EPS15: variants seen among roughly 807,000 people sequenced by gnomAD.
EPS15 encodes epidermal growth factor receptor pathway substrate 15, also known as epidermal growth factor receptor substrate 15.
A neutral mutation model predicts 113.8 loss-of-function variants in EPS15; 72 were observed. The ratio of observed to expected loss-of-function variants is 0.63; its 90% CI spans 0.52 to 0.77. EPS15 has a LOEUF of 0.77. Among genes scored for constraint, EPS15 ranks in the 30% least tolerant of loss-of-function variants. The probability of loss-of-function intolerance (pLI) is 0.00; values close to 1 mark genes in which losing one functional copy is unlikely to be tolerated. For synonymous variants in EPS15, 344 were observed against 363.4 expected (o/e 0.95, Z 0.61); for missense variants, 1,048 against 1,045.8 (o/e 1.00, Z -0.03).
chr1:51,457,761 T>C (rs1654128694), intron 8 of EPS15: 1 of 152,134 alleles, frequency 6.6e-6, no homozygotes, highest in African/African-American at 2.4e-5. Context: ...GTTTCAGATT[T>C]TGAAGCATTT....
chr1:51,372,593 A>G (rs1646684412), intron 21 of EPS15: 1 of 518,404 alleles, frequency 1.9e-6, no homozygotes, highest in East Asian at 5.4e-5. Context: ...CAATGAACTC[A>G]AGAAAAGACA....
At chr1:51,499,575 G>A (rs1250046939) in intron 1 of EPS15, among the ~76,000 whole-genome samples, 2 of 152,018 alleles carry the variant, frequency 1.3e-5, no homozygotes, top group Non-Finnish European at 2.9e-5. Context: ...ACATTCCCAT[G>A]AGCCATGCAC....
intron 9 of EPS15, among the ~76,000 whole-genome samples, chr1:51,447,633 A>C (rs1653175073): frequency 6.6e-6 from 1 of 152,202 alleles, no homozygotes; most frequent in Non-Finnish European, 1.5e-5. Flanking sequence ...CTAGGTATTA[A>C]ACAAAAATAA....
At chr1:51,448,212 G>T in intron 8 of EPS15, 77 bp from the exon 9 acceptor site, 1 of 819,408 alleles carries the variant, frequency 1.2e-6, no homozygotes, top group Non-Finnish European at 1.9e-6. Flanking sequence ...ATTGTTCAAT[G>T]ATAAATCATC....
At chr1:51,501,257 A>T (rs998799813) in intron 1 of EPS15, among the ~76,000 whole-genome samples, 1 of 147,424 alleles carries the variant, frequency 6.8e-6, no homozygotes, top group African/African-American at 2.5e-5. Context: ...AAATACAAAA[A>T]ATTAGCCAGG....
chr1:51,402,841 G>A (rs898825009), intron 17 of EPS15, among the ~76,000 whole-genome samples: 5 of 152,196 alleles, frequency 3.3e-5, no homozygotes, highest in African/African-American at 1.2e-4. Context: ...GGAGGTGGAG[G>A]TTGCAGTGAG....
chr1:51,499,667 T>C (rs1273811875), intron 1 of EPS15, among the ~76,000 whole-genome samples: 5 of 151,812 alleles, frequency 3.3e-5, no homozygotes, highest in Non-Finnish European at 4.4e-5. Flanking sequence ...CTCATTGTGA[T>C]TATAATTTGC....
chr1:51,507,148 T>C (rs566952809), intron 1 of EPS15, among the ~76,000 whole-genome samples: 16 of 152,288 alleles, frequency 1.1e-4, no homozygotes, highest in African/African-American at 1.4e-4. Context: ...AATGTATACA[T>C]AGAAAAATAA....
At chr1:51,484,238 A>G (rs1411401489) in intron 1 of EPS15, among the ~76,000 whole-genome samples, 1 of 151,948 alleles carries the variant, frequency 6.6e-6, no homozygotes, top group East Asian at 1.9e-4. Flanking sequence ...TCAGCTTAAC[A>G]TATGTCTCCG....
chr1:51,371,729 C>A (rs1240065901), intron 21 of EPS15, among the ~76,000 whole-genome samples: 1 of 152,070 alleles, frequency 6.6e-6, no homozygotes, highest in East Asian at 1.9e-4. Context: ...TAGTGTAGTG[C>A]AAGTGTACAG....
intron 21 of EPS15, among the ~76,000 whole-genome samples, chr1:51,384,690 C>T (rs868440710): frequency 2.0e-5 from 3 of 152,122 alleles, no homozygotes; most frequent in African/African-American, 7.2e-5. Context: ...TTTCTGATTT[C>T]AAATCTTATT....
intron 18 of EPS15, 33 bp downstream of exon 18, chr1:51,402,402 G>T: frequency 8.6e-7 from 1 of 1,168,670 alleles, no homozygotes; most frequent in Non-Finnish European, 1.2e-6. Flanking sequence ...TTTTTTTTGG[G>T]TAAATCTATA....
At chr1:51,461,281 C>G in intron 7 of EPS15, 131 bp from the exon 8 acceptor site, 1 of 651,742 alleles carries the variant, frequency 1.5e-6, no homozygotes, top group Non-Finnish European at 2.8e-6. Context: ...CTTTGAGAGG[C>G]CAAGGCAGGA....
intron 1 of EPS15, among the ~76,000 whole-genome samples, chr1:51,513,072 C>A (rs1378032934): frequency 6.6e-6 from 1 of 152,002 alleles, no homozygotes; most frequent in Non-Finnish European, 1.5e-5. Context: ...TTCAATCAAT[C>A]CTTCCGCCTC....
At chr1:51,357,426 A>AT (rs570842498) in intron 24 of EPS15, among the ~76,000 whole-genome samples, 1,187 of 53,404 alleles carry the variant, frequency 0.022, 33 homozygotes, top group East Asian at 0.098. Flanking sequence ...ATATATATAT[A>AT]TTTTTTTTTT....
At chr1:51,468,396 ATTACTT>A (rs1655003649) in intron 5 of EPS15, 71 bp downstream of exon 5, 1 of 1,076,742 alleles carries the variant, frequency 9.3e-7, no homozygotes, top group Non-Finnish European at 1.4e-6. Flanking sequence ...CTTTTAATAT[ATTACTT>A]TTAATTTTCA....
intron 24 of EPS15, among the ~76,000 whole-genome samples, chr1:51,357,416 ATATATATATATTTTTT>A (rs1184918865): frequency 3.1e-5 from 2 of 64,524 alleles, no homozygotes; most frequent in African/African-American, 1.7e-4. Flanking sequence ...ATATATATAT[ATATATATATATTTTTT>A]TTTTTTAAAT....
At chr1:51,407,491 A>C (rs923088910) in intron 15 of EPS15, among the ~76,000 whole-genome samples, 6 of 152,124 alleles carry the variant, frequency 3.9e-5, no homozygotes, top group African/African-American at 1.4e-4. Flanking sequence ...GGCCACCACC[A>C]TGCCGAGCCC....
intron 1 of EPS15, among the ~76,000 whole-genome samples, chr1:51,501,643 T>G (rs551241577): frequency 6.6e-6 from 1 of 151,906 alleles, no homozygotes. Flanking sequence ...CACGCCCAGC[T>G]AATTTTTGTG....
Sources: allele counts gnomAD v4.1 joint callset (sites outside exome capture counted in the v4.1 genomes callset), GRCh38; gene constraint gnomAD v4.1.1; transcripts MANE v1.5; gene names NCBI Gene and HGNC (gene_info 2026-07-23, HGNC 2026-07-21).